RIMS2: variants seen among roughly 807,000 people sequenced by gnomAD.
RIMS2 encodes regulating synaptic membrane exocytosis protein 2.
In RIMS2, 59 loss-of-function variants were observed where a neutral mutation model predicts 174.4. The observed-to-expected ratio is 0.34, with a 90% CI of 0.27 to 0.42. The LOEUF is 0.42. Among genes scored for constraint, RIMS2 ranks in the 10% least tolerant of loss-of-function variants. The probability of loss-of-function intolerance (pLI) is 1.00; values close to 1 mark genes in which losing one functional copy is unlikely to be tolerated. For missense variants in RIMS2, 1,620 were observed against 1,666.3 expected, an observed-to-expected ratio of 0.97 and a Z score of 0.48; for synonymous variants, 606 against 572.5, an observed-to-expected ratio of 1.06 and a Z score of -0.84.
intron 3 of RIMS2, among the ~76,000 whole-genome samples, chr8:103,830,983 G>A (rs77920109): frequency 0.16 from 23,929 of 151,908 alleles, 1,998 homozygotes; most frequent in Middle Eastern, 0.24. Context: ...AATTTTGTTT[G>A]TTTTTTGTAG....
chr8:103,753,378 G>A (rs941664838), intron 2 of RIMS2, among the ~76,000 whole-genome samples: 16 of 152,066 alleles, frequency 1.1e-4, no homozygotes, highest in African/African-American at 4.8e-5. Flanking sequence ...TTCATCAAGG[G>A]TATTGGTCTA....
rs1303007479 is a variant in RIMS2, at chr8:104,146,821, G to A, written c.3335-98095G>A. 2.0e-5 allele frequency among the ~76,000 whole-genome samples: 3 copies of A among 151,966 alleles called. No individual in the cohort carries two copies. The East Asian group carries it at 5.8e-4, about 29-fold the overall frequency. On this transcript the variant is annotated intron_variant, in intron 19 of 23. Transcript: ENST00000504942. ...GCTCAGGTGATCCTCCTGTGCCTCC[G>A]AAGTAGCTGGGACTACAGGCATGTG...
intron 19 of RIMS2, among the ~76,000 whole-genome samples, chr8:104,235,370 G>A (rs1009512491): frequency 6.6e-6 from 1 of 151,944 alleles, no homozygotes; most frequent in Non-Finnish European, 1.5e-5. Flanking sequence ...GTGTGAATTG[G>A]GCACTTTCCT....
At chr8:103,886,268 C>A in intron 4 of RIMS2, 45 bp downstream of exon 7, 1 of 1,500,168 alleles carries the variant, frequency 6.7e-7, no homozygotes, top group Non-Finnish European at 8.9e-7. Flanking sequence ...ATTAGATAAG[C>A]GTTTTTTTTA....
At chr8:104,213,888 A>AAAGAAGAAGAAGAAGAAG (rs762065499) in intron 19 of RIMS2, among the ~76,000 whole-genome samples, 4 of 148,108 alleles carry the variant, frequency 2.7e-5, no homozygotes, top group African/African-American at 1.0e-4. Context: ...AAAAAAAAAA[A>AAAGAAGAAGAAGAAGAAG]AAGAAGAAGA....
At chr8:104,223,819 G>A (rs1007201161) in intron 19 of RIMS2, 24 of 1,580,236 alleles carry the variant, frequency 1.5e-5, no homozygotes, top group Non-Finnish European at 2.1e-5. Context: ...CCCCGTAGTT[G>A]GTGTCTCTAT....
intron 1 of RIMS2, among the ~76,000 whole-genome samples, chr8:103,547,890 C>T (rs1845844706): frequency 1.3e-5 from 2 of 152,144 alleles, no homozygotes; most frequent in African/African-American, 2.4e-5. Flanking sequence ...CACCTCTATG[C>T]ACACAAACTA....
At chr8:103,999,848 C>A (rs1466403810) in intron 17 of RIMS2, among the ~76,000 whole-genome samples, 2 of 151,670 alleles carry the variant, frequency 1.3e-5, no homozygotes. Flanking sequence ...TCAACTTCGG[C>A]CTAATTGGCC....
chr8:103,536,630 C>A (rs1216747062), intron 1 of RIMS2, among the ~76,000 whole-genome samples: 1 of 152,124 alleles, frequency 6.6e-6, no homozygotes, highest in Non-Finnish European at 1.5e-5. Context: ...ATGGCCAGAG[C>A]AAGAGCAAGA....
intron 14 of RIMS2, among the ~76,000 whole-genome samples, chr8:103,956,059 C>A (rs2087084184): frequency 6.6e-6 from 1 of 152,094 alleles, no homozygotes; most frequent in Non-Finnish European, 1.5e-5. Flanking sequence ...TGTGAAGGAC[C>A]TCTTCAAGGA....
chr8:103,825,833 T>C (rs1234718027), intron 3 of RIMS2, among the ~76,000 whole-genome samples: 2 of 152,184 alleles, frequency 1.3e-5, no homozygotes, highest in Non-Finnish European at 2.9e-5. Context: ...AAATGATACT[T>C]ATCTACAGTT....
At chr8:104,042,489 G>C (rs2096625765) in intron 19 of RIMS2, among the ~76,000 whole-genome samples, 1 of 151,532 alleles carries the variant, frequency 6.6e-6, no homozygotes, top group Non-Finnish European at 1.5e-5. Context: ...GTTAAGAAAT[G>C]ATAATGGTCT....
At chr8:104,220,047 A>T (rs577103515) in intron 19 of RIMS2, among the ~76,000 whole-genome samples, 2 of 152,286 alleles carry the variant, frequency 1.3e-5, no homozygotes, top group African/African-American at 4.8e-5. Context: ...ATTTTTTTTA[A>T]AGTAGAATTC....
At chr8:103,763,816 A>T (rs945377608) in intron 2 of RIMS2, among the ~76,000 whole-genome samples, 1 of 152,184 alleles carries the variant, frequency 6.6e-6, no homozygotes, top group African/African-American at 2.4e-5. Flanking sequence ...CAGAAACAAT[A>T]CTACTTGTAC....
At chr8:104,121,877 C>A (rs978681473) in intron 19 of RIMS2, among the ~76,000 whole-genome samples, 1 of 152,198 alleles carries the variant, frequency 6.6e-6, no homozygotes, top group Non-Finnish European at 1.5e-5. Context: ...AGGAGAATCA[C>A]TTGAATCCGG....
At chr8:103,539,029 A>G (rs542705384) in intron 1 of RIMS2, among the ~76,000 whole-genome samples, 2 of 152,138 alleles carry the variant, frequency 1.3e-5, no homozygotes, top group African/African-American at 4.8e-5. Flanking sequence ...TTAATTTTTC[A>G]TAAGTTATTT....
At chr8:104,086,723 A>G (rs2097543566) in intron 19 of RIMS2, among the ~76,000 whole-genome samples, 1 of 152,102 alleles carries the variant, frequency 6.6e-6, no homozygotes, top group African/African-American at 2.4e-5. Context: ...TTGCTATGTC[A>G]TGTTTCAAAG....
exon 18 of RIMS2, chr8:104,013,593 T>A: frequency 6.2e-7 from 1 of 1,613,742 alleles, no homozygotes; most frequent in Non-Finnish European, 8.5e-7. Flanking sequence ...GACTGGAAGA[T>A]CTGCCCCTCC....
intron 19 of RIMS2, among the ~76,000 whole-genome samples, chr8:104,036,975 T>C (rs1360864259): frequency 1.3e-5 from 2 of 152,188 alleles, no homozygotes; most frequent in African/African-American, 2.4e-5. Flanking sequence ...ATTTAATAGA[T>C]GGCCATTTAA....
Sources: gnomAD v4.1 joint callset for allele counts (sites outside exome capture counted in the v4.1 genomes callset) on GRCh38, gnomAD v4.1.1 for gene constraint, MANE v1.5 for transcripts, NCBI Gene and HGNC (gene_info 2026-07-23, HGNC 2026-07-21) for gene names.